Variants in POLE observed in about 807,000 individuals in gnomAD.
POLE encodes DNA polymerase epsilon, catalytic subunit.
In POLE, 188 loss-of-function variants were observed where a neutral mutation model predicts 279.2. The ratio of observed to expected loss-of-function variants is 0.67; its 90% CI spans 0.60 to 0.76. POLE has a LOEUF of 0.76. POLE is among the 30% of genes least tolerant of loss of function. POLE has a pLI of 0.00. For synonymous variants in POLE, 1,214 were observed against 1,172.5 expected (o/e 1.04, Z -0.72); for missense variants, 2,703 against 3,016.7 (o/e 0.90, Z 2.44).
At position 132,660,998 on chromosome 12, in the gene POLE, C is replaced by A; in HGVS notation, c.3031G>T (p.Asp1011Tyr). The A allele has an allele frequency of 6.2e-7, 1 of 1,613,396 alleles. No individual in the cohort carries two copies. Among genetic ancestry groups the A allele is most frequent in the South Asian group, 1.1e-5 (1 of 90,988 alleles). The change falls in exon 25 of 49, where the codon GAC becomes TAC. Residue 1011 changes from aspartate to tyrosine, a missense_variant. Asp to Tyr is a radical substitution (Grantham distance 160, BLOSUM62 -3). Around this residue, in one of 5 missense-constraint regions of POLE, gnomAD observed 1,551 missense variants for 1,686.1 expected, o/e 0.92. Coordinates refer to ENST00000320574, the MANE Select transcript of POLE (RefSeq NM_006231.4). ...CTGTACAGCACGTCCAGCCAGTAGT[C>A]AGCCACCTTGGCTACAGAGCCATAC... ...EVYGSVAKVA[D>Y]YWLDVLYSKA...
intron 1 of POLE, among the ~76,000 whole-genome samples, chr12:132,683,736 C>T (rs539833845): frequency 2.7e-4 from 41 of 152,350 alleles, no homozygotes; most frequent in African/African-American, 9.1e-4. Context: ...TATGCCAGTC[C>T]TCCAAATATC....
chr12:132,683,673 G>T (rs2043213771), intron 1 of POLE, among the ~76,000 whole-genome samples: 1 of 152,234 alleles, frequency 6.6e-6, no homozygotes, highest in Non-Finnish European at 1.5e-5. Context: ...AATCAAGAGT[G>T]AATGAAGTGC....
chr12:132,630,862 T>C (rs998343872), intron 45 of POLE, among the ~76,000 whole-genome samples: 6 of 152,330 alleles, frequency 3.9e-5, no homozygotes, highest in Admixed American at 2.0e-4. Context: ...CAGCAACTCT[T>C]GCCACACACT....
chr12:132,665,260 C>T, intron 21 of POLE, 42 bp downstream of exon 21: 2 of 1,597,082 alleles, frequency 1.3e-6, no homozygotes, highest in African/African-American at 2.7e-5. Flanking sequence ...GTGGACTCAT[C>T]CATTCCTCCC....
chr12:132,672,440 C>A, intron 15 of POLE, 118 bp from the exon 16 acceptor site: 1 of 1,052,868 alleles, frequency 9.5e-7, no homozygotes, highest in South Asian at 1.3e-5. Flanking sequence ...CGGAAGGACT[C>A]ATGTGCACAA....
intron 39 of POLE, among the ~76,000 whole-genome samples, chr12:132,640,677 A>C (rs570579952): frequency 1.4e-4 from 22 of 152,398 alleles, no homozygotes; most frequent in African/African-American, 5.3e-4. Context: ...CAATGGGGTC[A>C]AGAACAGAAT....
At position 132,639,199 on chromosome 12, in the gene POLE, C is replaced by T. The variant is rs537648186; in HGVS notation, c.5478G>A (p.Arg1826=). Residue 1826 remains arginine (R), a synonymous_variant, in exon 40 of 49, where the codon CGG becomes CGA. Coordinates refer to ENST00000320574, the MANE Select transcript of POLE (RefSeq NM_006231.4). This position sits in a 1 kb window ranked among gnomAD's most constrained non-coding sequence, Gnocchi z 4.7. ...GGTCATGAAGCAGAGAGGATGGCGA[C>T]CGAAGCCAGCGGTAGAAGTGCATCA... ...NQVMHFYRWL[R]SPSSLLHDPA... The T allele has an allele frequency of 6.2e-7, 1 of 1,613,944 alleles. No individual in the cohort carries two copies. Among genetic ancestry groups the T allele is most frequent in the Non-Finnish European group, 8.5e-7 (1 of 1,180,006 alleles).
Position 132,657,194 on chromosome 12 carries a change from T to C in POLE, c.3524A>G (p.Asn1175Ser). 1 of 1,613,952 alleles carries C rather than the reference T, an allele frequency of 6.2e-7. No homozygotes were observed. Among genetic ancestry groups the C allele is most frequent in the Non-Finnish European group, 8.5e-7 (1 of 1,179,984 alleles). ...GATCTTCTTCTGCTTGTAGACATCATTCTTCTCCAGCAGTTTTTTGTGCAG... is the reference window on the plus strand; with the variant it reads ...GATCTTCTTCTGCTTGTAGACATCACTCTTCTCCAGCAGTTTTTTGTGCAG... ...DWLHKKLLEKNDVYKQKKISE... is the reference protein window; with the variant it reads ...DWLHKKLLEKSDVYKQKKISE... The change falls in exon 29 of 49, where the codon AAT becomes AGT. Residue 1175 changes from asparagine to serine, a missense_variant. This residue lies in a region of POLE where 1,551 missense variants were observed against 1,686.1 expected (regional missense o/e 0.92). Transcript: ENST00000320574.
intron 32 of POLE, among the ~76,000 whole-genome samples, chr12:132,645,783 C>T (rs1054639938): frequency 1.6e-5 from 2 of 125,158 alleles, no homozygotes; most frequent in African/African-American, 7.0e-5. Flanking sequence ...TGAAATTAGA[C>T]CGACACACAC....
At chr12:132,652,702 A>G (rs2042449205) in intron 29 of POLE, among the ~76,000 whole-genome samples, 1 of 152,204 alleles carries the variant, frequency 6.6e-6, no homozygotes, top group Admixed American at 6.5e-5. Flanking sequence ...CACTCACTGC[A>G]GTCCACTCTC....
At chr12:132,666,615 C>G (rs922938889) in intron 20 of POLE, among the ~76,000 whole-genome samples, 1 of 152,190 alleles carries the variant, frequency 6.6e-6, no homozygotes, top group Non-Finnish European at 1.5e-5. Context: ...GTGAAAAAGC[C>G]GGTCACAAAG....
chr12:132,676,047 C>A, intron 10 of POLE, 47 bp downstream of exon 10: 1 of 1,258,470 alleles, frequency 7.9e-7, no homozygotes, highest in Non-Finnish European at 1.1e-6. Context: ...TCCACATGTC[C>A]GTTCTTCCCA....
Position 132,657,163 on chromosome 12 carries a change from C to T in POLE, c.3555G>A (p.Glu1185=), listed in dbSNP as rs2042561671. Residue 1185 remains glutamate (E), a synonymous_variant, in exon 29 of 49, where the codon GAG becomes GAA. Transcript: ENST00000320574. ...NDVYKQKKIS[E]LFTLEGRRQV... ...GTCTCCTGCCCTCCAGGGTGAAGAG[C>T]TCACTGATCTTCTTCTGCTTGTAGA... 1.2e-6 allele frequency: 2 copies of T among 1,613,926 alleles called. No individual in the cohort carries two copies. The highest frequency in any genetic ancestry group is 1.7e-6 in the Non-Finnish European group (2 of 1,180,022).
At position 132,675,669 on chromosome 12, in the gene POLE, C is replaced by A. The variant is rs2136010279; in HGVS notation, c.1106+66G>T. ...TCCTAAGTCGACATGGGAAGCGCCC[C>A]TGCACCACGCAACGCCCTCCCTCTC... On this transcript the variant is annotated intron_variant, in intron 11 of 48. Transcript: ENST00000320574. The surrounding 1 kb of genome is among the most constrained non-coding windows in gnomAD (Gnocchi z 4.3). The A allele has an allele frequency of 6.4e-7, 1 of 1,565,124 alleles. No individual in the cohort carries two copies. Among genetic ancestry groups the A allele is most frequent in the Non-Finnish European group, 8.8e-7 (1 of 1,136,438 alleles).
chr12:132,626,415 G>T, intron 45 of POLE, 98 bp from the exon 46 acceptor site: 1 of 1,171,042 alleles, frequency 8.5e-7, no homozygotes, highest in East Asian at 2.4e-5. Flanking sequence ...ACAGTTTCCT[G>T]GTGTCCTTTC....
At chr12:132,626,409 T>C in intron 45 of POLE, 92 bp from the exon 46 acceptor site, 1 of 1,214,884 alleles carries the variant, frequency 8.2e-7, no homozygotes. Flanking sequence ...TAGGCTACAG[T>C]TTCCTGGTGT....
In POLE at chr12:132,643,219, C is replaced by T; in HGVS notation, c.4551+5G>A. 1 of 1,612,840 alleles carries T rather than the reference C, an allele frequency of 6.2e-7. No individual in the cohort carries two copies. On this transcript the variant is annotated splice_donor_5th_base_variant and intron_variant, in intron 35 of 48. Transcript: ENST00000320574. ...ATGTGCTGCCATGGAGGGCCCAGGA[C>T]TCACAGTGTCCAGCACAAAGACGGA...
At position 132,649,144 on chromosome 12, in the gene POLE, T is replaced by G. The variant is rs559459052; in HGVS notation, c.4006-72A>C. On this transcript the variant is annotated intron_variant, in intron 31 of 48. Transcript: ENST00000320574. ...CCCACAGACGGGGCCACCTTCCAGGTAGCTTGCAGCTCCCAGCACAGGGCC... is the reference window on the plus strand; with the variant it reads ...CCCACAGACGGGGCCACCTTCCAGGGAGCTTGCAGCTCCCAGCACAGGGCC... The G allele has an allele frequency of 1.2e-5, 19 of 1,558,478 alleles. No homozygotes were observed. In the South Asian group the frequency reaches 2.1e-4, roughly 17 times the overall value.
In POLE at chr12:132,659,415, G is replaced by A. The variant is rs2042630076; in HGVS notation, c.3155C>T (p.Thr1052Met). 1 of 1,614,190 alleles carries A rather than the reference G, an allele frequency of 6.2e-7. No homozygotes were observed. The highest frequency in any genetic ancestry group is 1.1e-5 in the South Asian group (1 of 91,088). The change falls in exon 26 of 49, where the codon ACG becomes ATG. Residue 1052 changes from threonine to methionine, a missense_variant. This residue lies in a region of POLE where 1,551 missense variants were observed against 1,686.1 expected (regional missense o/e 0.92). Transcript: ENST00000320574. The part of the protein sequence containing the change: ...KLEDYGEQKS[T>M]SISTAKRLAE... ...CAGGCGCTTTGCTGTGCTGATGGAC[G>A]TAGACTTCTGCTCCCCGTAATCTTC...
Sources: gnomAD v4.1 joint callset for allele counts (sites outside exome capture counted in the v4.1 genomes callset) on GRCh38, gnomAD v4.1.1 for gene constraint, gnomAD v4.1.1 regional missense constraint, Gnocchi (gnomAD v3.1) non-coding constraint, MANE v1.5 for transcripts, NCBI Gene and HGNC (gene_info 2026-07-23, HGNC 2026-07-21) for gene names.